The following MARCO variants were observed in gnomAD, a reference collection of about 807,000 sequenced individuals.
The protein encoded by MARCO is macrophage receptor MARCO.
Under a neutral mutation model 70.0 loss-of-function variants are expected in MARCO, and 72 were observed. The ratio of observed to expected loss-of-function variants is 1.03; its 90% CI spans 0.85 to 1.25. The LOEUF (loss-of-function observed/expected upper bound fraction) is 1.25. Ranked by LOEUF, MARCO falls within the 50% of genes most tolerant of loss-of-function variation. MARCO has a pLI of 0.00. For synonymous variants in MARCO, 273 were observed against 243.1 expected, an observed-to-expected ratio of 1.12 and a Z score of -1.14; for missense variants, 696 against 659.3, an observed-to-expected ratio of 1.06 and a Z score of -0.61.
chr2:118,954,548 G>A (rs2104555250), intron 1 of MARCO, among the ~76,000 whole-genome samples: 1 of 152,280 alleles, frequency 6.6e-6, no homozygotes, highest in East Asian at 1.9e-4. Flanking sequence ...CCCACTGCCA[G>A]TCCCCCTCCA....
At chr2:118,975,540 G>A (rs1471562786) in intron 6 of MARCO, among the ~76,000 whole-genome samples, 1 of 152,190 alleles carries the variant, frequency 6.6e-6, no homozygotes, top group Non-Finnish European at 1.5e-5. Context: ...GTGTCCAGCA[G>A]GGGGTTTTCT....
chr2:118,962,100 T>A (rs968910049), intron 1 of MARCO, among the ~76,000 whole-genome samples: 4 of 152,092 alleles, frequency 2.6e-5, no homozygotes, highest in African/African-American at 9.7e-5. Context: ...GTACCAGTAC[T>A]ATGCTGTTTT....
At chr2:118,968,001 T>C (rs1233835052) in intron 1 of MARCO, among the ~76,000 whole-genome samples, 1 of 152,212 alleles carries the variant, frequency 6.6e-6, no homozygotes, top group Non-Finnish European at 1.5e-5. Context: ...ATGCCTGCTG[T>C]GTCACCTGCC....
intron 3 of MARCO, 47 bp from the exon 4 acceptor site, chr2:118,971,452 A>G (rs1435575401): frequency 1.2e-6 from 2 of 1,605,996 alleles, no homozygotes. Flanking sequence ...GGCTTGGGCC[A>G]AGGGTACCCC....
At chr2:118,960,800 G>A (rs1234966489) in intron 1 of MARCO, among the ~76,000 whole-genome samples, 2 of 152,028 alleles carry the variant, frequency 1.3e-5, no homozygotes, top group African/African-American at 2.4e-5. Context: ...ACAGGTAAAT[G>A]TATGCCATGG....
At position 118,977,839 on chromosome 2, in the gene MARCO, C is replaced by A. The variant is rs762406275; in HGVS notation, c.670C>A (p.Pro224Thr). ...CATTCTCTTTGCAGGCACCCCAGGA[C>A]CCCAAGGAGAGAAGGGCAGCAAAGG... Reference protein sequence around the residue: ...GKQGATGTPGPQGEKGSKGDG... With the variant: ...GKQGATGTPGTQGEKGSKGDG... The change falls in exon 8 of 17, where the codon CCC becomes ACC. Residue 224 changes from proline to threonine, a missense_variant. Pro to Thr is a conservative substitution (Grantham distance 38, BLOSUM62 -1). Around this residue, in one of 3 missense-constraint regions of MARCO, gnomAD observed 605 missense variants for 537.6 expected, o/e 1.13. Coordinates refer to ENST00000327097, the MANE Select transcript of MARCO (RefSeq NM_006770.4). 31 of 1,612,024 alleles carry A rather than the reference C, an allele frequency of 1.9e-5. No homozygotes were observed. The highest frequency in any genetic ancestry group is 2.3e-5 in the Non-Finnish European group (27 of 1,179,168).
intron 1 of MARCO, among the ~76,000 whole-genome samples, chr2:118,954,125 C>A (rs1260355349): frequency 1.3e-5 from 2 of 152,216 alleles, no homozygotes; most frequent in African/African-American, 4.8e-5. Flanking sequence ...AGGAGAAGAT[C>A]TAAAGCCCTT....
intron 12 of MARCO, among the ~76,000 whole-genome samples, chr2:118,983,952 C>T (rs1427526711): frequency 2.6e-5 from 4 of 152,158 alleles, no homozygotes; most frequent in Non-Finnish European, 4.4e-5. Flanking sequence ...TCCTGCCCTG[C>T]CCTTTGCATC....
chr2:118,943,416 T>C (rs149389658), intron 1 of MARCO, among the ~76,000 whole-genome samples: 51 of 152,324 alleles, frequency 3.3e-4, no homozygotes, highest in African/African-American at 1.2e-3. Flanking sequence ...AGTCAGCTGA[T>C]CAAGCATACT....
intron 1 of MARCO, among the ~76,000 whole-genome samples, chr2:118,964,237 T>G (rs1680001668): frequency 6.6e-6 from 1 of 152,260 alleles, no homozygotes; most frequent in Admixed American, 6.5e-5. Flanking sequence ...ATAATTTTTG[T>G]GTTAAAAATC....
At position 118,990,613 on chromosome 2, in the gene MARCO, A is replaced by C; in HGVS notation, c.1088A>C (p.Lys363Thr). ...DTGLQGQQGR[K>T]GESGVPGPAG... The stretch of plus-strand genomic sequence containing the variant: ...GGACTTCAAGGACAGCAAGGAAGAA[A>C]AGGAGAATCAGGAGTTCCAGGTAAA... The change falls in exon 13 of 17, where the codon AAA (lysine) becomes ACA (threonine). Residue 363 changes from lysine (K) to threonine (T), a missense_variant. Coordinates refer to ENST00000327097, the MANE Select transcript of MARCO (RefSeq NM_006770.4). The C allele has an allele frequency of 6.4e-7, 1 of 1,573,260 alleles. No individual in the cohort carries two copies. Among genetic ancestry groups the C allele is most frequent in the Non-Finnish European group, 8.7e-7 (1 of 1,154,960 alleles).
chr2:118,962,279 A>T lies in MARCO; in HGVS notation c.98-6881A>T, dbSNP rs953154872. 2.6e-5 allele frequency among the ~76,000 whole-genome samples: 4 copies of T among 152,242 alleles called. No individual in the cohort carries two copies. In the South Asian group the frequency reaches 8.3e-4, roughly 32 times the overall value. ...GAATGTCAGTGGTAGTTTAATGGGA[A>T]ATGTGTTGAATCTATAAATTACTTT... On this transcript the variant is annotated intron_variant, in intron 1 of 16. Transcript: ENST00000327097.
Position 118,954,755 on chromosome 2 carries a change from A to C in MARCO, c.97+12358A>C, listed in dbSNP as rs527776236. On this transcript the variant is annotated intron_variant, in intron 1 of 16. Coordinates refer to ENST00000327097, the MANE Select transcript of MARCO (RefSeq NM_006770.4). The stretch of plus-strand genomic sequence containing the variant: ...TCACATGAGAGGACTTTGTGCAGAC[A>C]ACCCCCAGTACCAGCCTGGAGCTGG... 9.1e-4 allele frequency among the ~76,000 whole-genome samples: 138 copies of C among 152,284 alleles called. 1 individual carries two copies. The highest frequency in any genetic ancestry group is 3.3e-3 in the African/African-American group (135 of 41,536).
In MARCO at chr2:118,994,421, T is replaced by C. The variant is rs34536804; in HGVS notation, c.1464T>C (p.Cys488=). The C allele has an allele frequency of 0.016, 25,415 of 1,614,114 alleles. 226 individuals carry two copies. The highest frequency in any genetic ancestry group is 0.018 in the Non-Finnish European group (21,468 of 1,179,982). Residue 488 remains cysteine (C), a synonymous_variant, in exon 17 of 17, where the codon TGT becomes TGC. Coordinates refer to ENST00000327097, the MANE Select transcript of MARCO (RefSeq NM_006770.4). ...AGATCTGGCTGGATAATGTTCAGTGTCGGGGCACGGAGAGTACCCTGTGGA... is the reference window on the plus strand; with the variant it reads ...AGATCTGGCTGGATAATGTTCAGTGCCGGGGCACGGAGAGTACCCTGTGGA... ...TGQIWLDNVQ[C]RGTESTLWSC...
At chr2:118,945,014 T>C (rs1679568916) in intron 1 of MARCO, 2 of 152,176 alleles carry the variant, frequency 1.3e-5, no homozygotes, top group African/African-American at 2.4e-5. Context: ...GTACACGTGA[T>C]GATTTGATAT....
At chr2:118,972,078 C>T (rs1680183755) in intron 4 of MARCO, among the ~76,000 whole-genome samples, 1 of 152,154 alleles carries the variant, frequency 6.6e-6, no homozygotes, top group African/African-American at 2.4e-5. Flanking sequence ...TTTTCTGGAG[C>T]CCCAGCCACT....
chr2:118,969,287 TCCCTC>T (rs776496620), intron 2 of MARCO, 26 bp downstream of exon 2: 13 of 1,597,196 alleles, frequency 8.1e-6, no homozygotes, highest in Non-Finnish European at 1.1e-5. Flanking sequence ...TCCTGTGTAG[TCCCTC>T]CTGGGGGGAG....
Position 118,977,903 on chromosome 2 carries a change from C to G in MARCO, c.734C>G (p.Thr245Ser), listed in dbSNP as rs1217378583. The G allele has an allele frequency of 6.2e-7, 1 of 1,611,408 alleles. No individual in the cohort carries two copies. The highest frequency in any genetic ancestry group is 8.5e-7 in the Non-Finnish European group (1 of 1,178,914). ...ATTGGCCCAAAAGGGGAAACTGGAA[C>G]TAAGGGAGAGAAAGGAGACCTGGGT... ...GLIGPKGETGTKGEKGDLGLP... is the reference protein window; with the variant it reads ...GLIGPKGETGSKGEKGDLGLP... Residue 245 changes from threonine to serine, a missense_variant, in exon 8 of 17, where the codon ACT becomes AGT. This residue lies in a region of MARCO where 605 missense variants were observed against 537.6 expected (regional missense o/e 1.13). Transcript: ENST00000327097.
At chr2:118,978,708 A>G (rs1162200624) in intron 8 of MARCO, among the ~76,000 whole-genome samples, 1 of 152,250 alleles carries the variant, frequency 6.6e-6, no homozygotes, top group Non-Finnish European at 1.5e-5. Flanking sequence ...AAGTTAAAAA[A>G]TAATTAAATT....
Sources: gnomAD v4.1 joint callset for allele counts (sites outside exome capture counted in the v4.1 genomes callset) on GRCh38, gnomAD v4.1.1 for gene constraint, gnomAD v4.1.1 regional missense constraint, MANE v1.5 for transcripts, NCBI Gene and HGNC (gene_info 2026-07-23, HGNC 2026-07-21) for gene names.